The following ITPK1 variants were observed in gnomAD, a reference collection of about 807,000 sequenced individuals.
The protein encoded by ITPK1 is inositol-tetrakisphosphate 1-kinase, also known as inositol 1,3,4-trisphosphate 5/6-kinase.
Under a neutral mutation model 45.3 loss-of-function variants are expected in ITPK1, and 21 were observed. The observed-to-expected ratio is 0.46, with a 90% CI of 0.33 to 0.67. The LOEUF is 0.67. Among genes scored for constraint, ITPK1 ranks in the 30% least tolerant of loss-of-function variants. ITPK1 has a pLI of 0.02. For synonymous variants in ITPK1, 258 were observed against 253.6 expected, an observed-to-expected ratio of 1.02 and a Z score of -0.16; for missense variants, 474 against 573.5, an observed-to-expected ratio of 0.83 and a Z score of 1.77.
At chr14:92,942,673 C>T (rs528483376) in intron 10 of ITPK1, among the ~76,000 whole-genome samples, 1 of 152,302 alleles carries the variant, frequency 6.6e-6, no homozygotes, top group Non-Finnish European at 1.5e-5. Flanking sequence ...CAGAGGGGAA[C>T]AGAACAGAAA....
intron 5 of ITPK1, among the ~76,000 whole-genome samples, chr14:92,976,869 A>T (rs1480040742): frequency 6.6e-6 from 1 of 152,224 alleles, no homozygotes; most frequent in African/African-American, 2.4e-5. Context: ...CTCCAGTCTC[A>T]TCATTCCCAC....
intron 5 of ITPK1, among the ~76,000 whole-genome samples, chr14:92,988,257 C>G (rs1007615949): frequency 1.3e-5 from 2 of 152,198 alleles, no homozygotes; most frequent in Non-Finnish European, 2.9e-5. Context: ...CAGGCTGACA[C>G]TGGGGGAGGC....
chr14:93,055,261 T>C (rs116312773), intron 3 of ITPK1, among the ~76,000 whole-genome samples: 9,591 of 152,278 alleles, frequency 0.063, 401 homozygotes, highest in South Asian at 0.19. Flanking sequence ...ATGCTGCTGC[T>C]GGGAACATTC....
chr14:93,044,230 G>A (rs1420878420), intron 3 of ITPK1, among the ~76,000 whole-genome samples: 3 of 152,214 alleles, frequency 2.0e-5, no homozygotes, highest in African/African-American at 7.2e-5. Context: ...GGGGCAACCA[G>A]CTTAAACACT....
chr14:93,028,787 G>A (rs983003679), intron 3 of ITPK1, among the ~76,000 whole-genome samples: 8 of 152,166 alleles, frequency 5.3e-5, no homozygotes, highest in Admixed American at 1.3e-4. Context: ...GTTCAGCTTC[G>A]GCATTTCTAA....
chr14:93,053,667 T>G (rs1041882116), intron 3 of ITPK1, among the ~76,000 whole-genome samples: 3 of 151,828 alleles, frequency 2.0e-5, no homozygotes, highest in African/African-American at 7.3e-5. Context: ...CCCAGGGAGG[T>G]TCACTGATTG....
intron 4 of ITPK1, among the ~76,000 whole-genome samples, chr14:93,006,263 AGG>A (rs990932213): frequency 4.6e-5 from 7 of 152,180 alleles, no homozygotes; most frequent in African/African-American, 1.7e-4. Context: ...AGCCCTGGGA[AGG>A]GCTGGGGAAG....
chr14:93,022,514 T>TC (rs1888520839), intron 3 of ITPK1, among the ~76,000 whole-genome samples: 2 of 148,520 alleles, frequency 1.3e-5, no homozygotes, highest in South Asian at 2.1e-4. Context: ...CAAGACCACA[T>TC]CTTTTTTTTT....
At chr14:93,107,758 T>TA (rs1892583656) in intron 2 of ITPK1, among the ~76,000 whole-genome samples, 1 of 152,064 alleles carries the variant, frequency 6.6e-6, no homozygotes, top group African/African-American at 2.4e-5. Context: ...CACCGAACCC[T>TA]AAAAATGGCT....
intron 3 of ITPK1, chr14:93,071,891 T>C (rs1271325910): frequency 6.6e-6 from 1 of 152,180 alleles, no homozygotes; most frequent in Non-Finnish European, 1.5e-5. Context: ...TAAAGCTCTG[T>C]CAGAAGTTTT....
intron 5 of ITPK1, among the ~76,000 whole-genome samples, chr14:92,990,296 T>A (rs1654666476): frequency 6.6e-6 from 1 of 152,036 alleles, no homozygotes; most frequent in African/African-American, 2.4e-5. Flanking sequence ...TTCCTCTCCA[T>A]CCTAATGTCT....
intron 2 of ITPK1, among the ~76,000 whole-genome samples, chr14:93,105,469 G>A (rs571875216): frequency 6.6e-6 from 1 of 151,756 alleles, no homozygotes; most frequent in South Asian, 2.1e-4. Flanking sequence ...CATCTCACAG[G>A]GAAGGGAGAC....
At chr14:93,095,967 T>C (rs973386065) in intron 2 of ITPK1, among the ~76,000 whole-genome samples, 2 of 152,132 alleles carry the variant, frequency 1.3e-5, no homozygotes, top group Non-Finnish European at 2.9e-5. Context: ...ACGGACTATG[T>C]TGTGGGGTAA....
At chr14:93,005,236 C>T (rs1887554058) in intron 4 of ITPK1, among the ~76,000 whole-genome samples, 1 of 152,002 alleles carries the variant, frequency 6.6e-6, no homozygotes, top group Non-Finnish European at 1.5e-5. Context: ...TGATGGGCTG[C>T]CTTCATCTTT....
intron 2 of ITPK1, among the ~76,000 whole-genome samples, chr14:93,092,684 C>T (rs779449390): frequency 8.5e-5 from 13 of 152,228 alleles, no homozygotes; most frequent in Non-Finnish European, 1.9e-4. Flanking sequence ...CCAGGGATGC[C>T]GTTGGGCACA....
chr14:92,989,595 G>A (rs548124379), intron 5 of ITPK1, among the ~76,000 whole-genome samples: 2 of 152,280 alleles, frequency 1.3e-5, no homozygotes, highest in East Asian at 1.9e-4. Flanking sequence ...TTCCATCTCT[G>A]GACCCTGGCC....
rs1595231539 is a variant in ITPK1, at chr14:93,115,282, G to A, written c.-119C>T. 1 of 637,412 alleles carries A rather than the reference G, an allele frequency of 1.6e-6. No homozygotes were observed. The highest frequency in any genetic ancestry group is 2.7e-6 in the Non-Finnish European group (1 of 371,518). 39.5% of individuals were successfully genotyped at this position (637,412 alleles called of 1,614,324 possible). A position where few individuals can be genotyped will look rare whatever the true frequency, so the allele number is the denominator to read the frequency against. The stretch of plus-strand genomic sequence containing the variant: ...TCCCGGCGGCGGGGACGCGGAACGG[G>A]GATCGGAGCTGGGGCGCGCAGTCCT... On this transcript the variant is annotated 5_prime_UTR_variant, in exon 2 of 11. Transcript: ENST00000267615.
intron 9 of ITPK1, among the ~76,000 whole-genome samples, chr14:92,947,084 G>C (rs541578932): frequency 6.6e-6 from 1 of 152,200 alleles, no homozygotes; most frequent in Non-Finnish European, 1.5e-5. Flanking sequence ...GGGCACAAGT[G>C]AGGAGTTCTG....
intron 4 of ITPK1, among the ~76,000 whole-genome samples, chr14:92,994,332 C>A (rs1886943644): frequency 6.6e-6 from 1 of 152,314 alleles, no homozygotes; most frequent in East Asian, 1.9e-4. Flanking sequence ...CGGCCCCATG[C>A]CCCGCACTGA....
Sources: allele counts gnomAD v4.1 joint callset (sites outside exome capture counted in the v4.1 genomes callset), GRCh38; gene constraint gnomAD v4.1.1; transcripts MANE v1.5; gene names NCBI Gene and HGNC (gene_info 2026-07-23, HGNC 2026-07-21).